Variants in OCA2 observed in about 807,000 individuals in gnomAD.
The protein encoded by OCA2 is P protein.
Under a neutral mutation model 100.2 loss-of-function variants are expected in OCA2, and 77 were observed. The ratio of observed to expected loss-of-function variants is 0.77; its 90% CI spans 0.64 to 0.93. OCA2 has a LOEUF of 0.93. Ranked by LOEUF, OCA2 falls within the 40% of genes least tolerant of loss-of-function variation. OCA2 has a pLI of 0.00. For missense variants in OCA2, 1,062 were observed against 1,089.1 expected (o/e 0.98, Z 0.35); for synonymous variants, 432 against 439.2 (o/e 0.98, Z 0.21).
intron 18 of OCA2, among the ~76,000 whole-genome samples, chr15:27,951,090 C>T (rs575707034): frequency 7.9e-5 from 12 of 152,046 alleles, no homozygotes; most frequent in Non-Finnish European, 1.3e-4. Flanking sequence ...TGATAAGAAA[C>T]GCCTGGGAGA....
intron 1 of OCA2, among the ~76,000 whole-genome samples, chr15:28,097,283 C>T (rs141308828): frequency 6.6e-6 from 1 of 152,236 alleles, no homozygotes; most frequent in Admixed American, 6.5e-5. Flanking sequence ...AGAGCCACAG[C>T]CCGCGACAAG....
chr15:27,770,713 G>A (rs1362915573), intron 23 of OCA2, among the ~76,000 whole-genome samples: 5 of 135,332 alleles, frequency 3.7e-5, no homozygotes, highest in African/African-American at 3.0e-5. Flanking sequence ...GCTCTTTCCC[G>A]CTCCTTTCTT....
chr15:27,747,066 C>T, the OCA2 span, among the ~76,000 whole-genome samples: 1 of 152,198 alleles, frequency 6.6e-6, no homozygotes, highest in Non-Finnish European at 1.5e-5. Context: ...CTGTCTCCTC[C>T]ACTTGAAAAT....
intron 23 of OCA2, among the ~76,000 whole-genome samples, chr15:27,810,438 T>C (rs116747111): frequency 0.011 from 1,690 of 152,314 alleles, 35 homozygotes; most frequent in African/African-American, 0.039. Context: ...CTTCTGGACA[T>C]TGGCCTGGGC....
rs780969715 is a variant in OCA2, at chr15:27,851,469, C to T, written c.2251G>A (p.Val751Met). ...NIPFTATMIP[V>M]LLNLSHDPEV... ...GGGTCGTGGCTCAGGTTCAGGAGCA[C>T]GGGAATCTGTGGAGGAAGAGGACAT... Residue 751 changes from valine (V) to methionine (M), a missense_variant, in exon 22 of 24, where the codon GTG (valine) becomes ATG (methionine). Transcript: ENST00000354638. 14 of 1,613,052 alleles carry T rather than the reference C, an allele frequency of 8.7e-6. No homozygotes were observed. Among genetic ancestry groups the T allele is most frequent in the Admixed American group, 6.7e-5 (4 of 59,918 alleles).
At chr15:27,754,852 A>G (rs2030211583), downstream of OCA2, 2 of 160,718 alleles carry the variant, frequency 1.2e-5, no homozygotes, top group East Asian at 1.7e-4. Context: ...GCAATTTTAC[A>G]TAATGTAAAC....
chr15:27,814,947 C>G (rs201443578), intron 23 of OCA2, among the ~76,000 whole-genome samples: 49 of 101,316 alleles, frequency 4.8e-4, no homozygotes, highest in Middle Eastern at 5.8e-3. Flanking sequence ...TAGATAGATA[C>G]AGAGATATAT....
intron 22 of OCA2, among the ~76,000 whole-genome samples, chr15:27,851,150 C>G (rs2035732685): frequency 6.6e-6 from 1 of 152,186 alleles, no homozygotes; most frequent in Non-Finnish European, 1.5e-5. Context: ...AGCATCAGAA[C>G]CAGTCATCCC....
rs139645688 is a variant in OCA2 at position 27,989,499 on chromosome 15, G to A, written c.1182+102C>T. 3.5e-4 allele frequency: 319 copies of A among 904,018 alleles called. 1 individual carries two copies. The African/African-American group carries it at 3.6e-3, about 10-fold the overall frequency. 56.0% of individuals were successfully genotyped at this position (904,018 alleles called of 1,614,324 possible). A position where few individuals can be genotyped will look rare whatever the true frequency, so the allele number is the denominator to read the frequency against. ...AACACTTCTCAGTCAAGCCCTAGGC[G>A]CTGTGTCTTTAACATAATGAAGGAC... is the stretch of plus-strand genomic sequence containing the variant. On this transcript the variant is annotated intron_variant, in intron 11 of 23. Transcript: ENST00000354638.
intron 14 of OCA2, among the ~76,000 whole-genome samples, chr15:27,980,285 GC>G (rs1260738669): frequency 6.6e-6 from 1 of 151,560 alleles, no homozygotes; most frequent in Non-Finnish European, 1.5e-5. Context: ...CCAATACCAC[GC>G]CTGGCTAAGT....
the OCA2 span, among the ~76,000 whole-genome samples, chr15:27,742,329 G>T: frequency 4.6e-5 from 7 of 152,344 alleles, no homozygotes; most frequent in African/African-American, 1.7e-4. Flanking sequence ...CAGCAAAGCA[G>T]CTGTGGAACC....
At chr15:27,959,596 T>C (rs1199762570) in intron 15 of OCA2, among the ~76,000 whole-genome samples, 1 of 152,180 alleles carries the variant, frequency 6.6e-6, no homozygotes, top group Non-Finnish European at 1.5e-5. Flanking sequence ...AGCTTTAAAG[T>C]GCTCACACCT....
chr15:27,985,320 C>T (rs980462583), intron 12 of OCA2, 132 bp from the exon 13 acceptor site: 9 of 1,082,222 alleles, frequency 8.3e-6, no homozygotes, highest in African/African-American at 3.1e-5. Flanking sequence ...CATAGACCCA[C>T]GGAGTCCTAG....
At chr15:27,905,229 T>C (rs1439331803) in intron 19 of OCA2, among the ~76,000 whole-genome samples, 2 of 150,994 alleles carry the variant, frequency 1.3e-5, no homozygotes, top group African/African-American at 4.9e-5. Flanking sequence ...TAACTGCTTC[T>C]ATCCCAAAAT....
At chr15:27,871,717 C>A (rs1031895662) in intron 20 of OCA2, 146 bp downstream of exon 20, 2 of 685,016 alleles carry the variant, frequency 2.9e-6, no homozygotes. Context: ...CATCTCTGGG[C>A]TGCACAGGAT....
chr15:27,739,695 C>T, the OCA2 span, among the ~76,000 whole-genome samples: 1 of 152,146 alleles, frequency 6.6e-6, no homozygotes, highest in African/African-American at 2.4e-5. Context: ...ATCCACCCGC[C>T]TTGGCCTCCC....
At chr15:27,743,683 C>T in the OCA2 span, among the ~76,000 whole-genome samples, 6 of 152,278 alleles carry the variant, frequency 3.9e-5, no homozygotes, top group African/African-American at 1.4e-4. Context: ...CAGGAGCTCA[C>T]CATCATAGGA....
At chr15:27,854,346 C>A (rs1037352730) in intron 21 of OCA2, among the ~76,000 whole-genome samples, 1 of 152,206 alleles carries the variant, frequency 6.6e-6, no homozygotes, top group Non-Finnish European at 1.5e-5. Context: ...CATGTGCCTG[C>A]TACTGCACAT....
intron 2 of OCA2, among the ~76,000 whole-genome samples, chr15:28,042,736 T>C (rs2043242439): frequency 1.3e-5 from 2 of 152,042 alleles, no homozygotes; most frequent in Admixed American, 1.3e-4. Flanking sequence ...AATAGGAATA[T>C]TAAAGTTTCA....
Sources: allele counts gnomAD v4.1 joint callset (sites outside exome capture counted in the v4.1 genomes callset), GRCh38; gene constraint gnomAD v4.1.1; transcripts MANE v1.5; gene names NCBI Gene and HGNC (gene_info 2026-07-23, HGNC 2026-07-21).